Variants in CELA2B observed in about 807,000 individuals in gnomAD.
The protein encoded by CELA2B is chymotrypsin-like elastase family member 2B.
In CELA2B, 27 loss-of-function variants were observed where a neutral mutation model predicts 36.5. The ratio of observed to expected loss-of-function variants is 0.74; its 90% CI spans 0.55 to 1.02. CELA2B has a LOEUF of 1.02. CELA2B is among the 50% of genes least tolerant of loss of function. The pLI is 0.00. For synonymous variants in CELA2B, 143 were observed against 148.5 expected, an observed-to-expected ratio of 0.96 and a Z score of 0.27; for missense variants, 340 against 347.8, an observed-to-expected ratio of 0.98 and a Z score of 0.18.
chr1:15,483,507 CT>C, intron 5 of CELA2B, 107 bp downstream of exon 5: 1 of 1,550,704 alleles, frequency 6.4e-7, no homozygotes, highest in Non-Finnish European at 8.8e-7. Context: ...ATGTGGCTGC[CT>C]TGGAGAGACA....
rs1387231809 is a variant in CELA2B at position 15,483,117 on chromosome 1, A to T, written c.357-147A>T. 7 of 1,287,498 alleles carry T rather than the reference A, an allele frequency of 5.4e-6. No individual in the cohort carries two copies. In the East Asian group the frequency reaches 1.5e-4, roughly 27 times the overall value. The allele number at this position is 1,287,498 out of a possible 1,614,324, so 79.8% of individuals were successfully genotyped here. The stretch of plus-strand genomic sequence containing the variant: ...CCACCGTGACTGGCCGACCCTCTAC[A>T]TTTTCAAACATGCCCTGTGGGCCCT... On this transcript the variant is annotated intron_variant, in intron 4 of 7. Transcript: ENST00000375910.
intron 1 of CELA2B, 79 bp from the exon 2 acceptor site, chr1:15,476,378 G>A (rs1339582205): frequency 2.0e-6 from 3 of 1,476,540 alleles, no homozygotes; most frequent in Non-Finnish European, 2.8e-6. Flanking sequence ...TTCTATTTGG[G>A]GGTTCAGAAT....
rs751583802 is a variant in CELA2B, at chr1:15,476,469, G to C, written c.53G>C (p.Gly18Ala). The change falls in exon 2 of 8, where the codon GGG becomes GCG. Residue 18 changes from glycine (G) to alanine (A), a missense_variant. Coordinates refer to ENST00000375910, the MANE Select transcript of CELA2B (RefSeq NM_015849.3). ...TCTCTTTTCACAGCCCTCAGTTGTG[G>C]GGTCTCCACTTACGCGCCTGATATG... is the stretch of plus-strand genomic sequence containing the variant. The part of the protein sequence containing the change: ...STLVAGALSC[G>A]VSTYAPDMSR... 14 of 1,614,104 alleles carry C rather than the reference G, an allele frequency of 8.7e-6. No individual in the cohort carries two copies. In the East Asian group the frequency reaches 3.1e-4, roughly 36 times the overall value.
chr1:15,487,186 T>C, intron 6 of CELA2B, 99 bp from the exon 7 acceptor site: 1 of 1,155,716 alleles, frequency 8.7e-7, no homozygotes, highest in Non-Finnish European at 1.3e-6. Context: ...CAGAGGACAG[T>C]GACCTGCAGC....
At chr1:15,490,263 C>T (rs61781040) in intron 7 of CELA2B, among the ~76,000 whole-genome samples, 14,090 of 139,174 alleles carry the variant, frequency 0.1, 708 homozygotes, top group East Asian at 0.26. Flanking sequence ...TATCTATATA[C>T]ACACACACAC....
At chr1:15,484,067 G>A (rs1235225661) in intron 5 of CELA2B, among the ~76,000 whole-genome samples, 1 of 152,196 alleles carries the variant, frequency 6.6e-6, no homozygotes, top group Non-Finnish European at 1.5e-5. Flanking sequence ...TGGAAAGAAA[G>A]TTACAGAGAT....
chr1:15,480,856 A>G (rs1201167345), intron 2 of CELA2B, among the ~76,000 whole-genome samples: 2 of 151,824 alleles, frequency 1.3e-5, no homozygotes, highest in Admixed American at 6.6e-5. Flanking sequence ...TTGGCCTCCC[A>G]AAGTGTTCTG....
intron 3 of CELA2B, among the ~76,000 whole-genome samples, 165 bp downstream of exon 3, chr1:15,481,360 C>T (rs574365343): frequency 1.4e-4 from 21 of 152,302 alleles, no homozygotes; most frequent in African/African-American, 5.1e-4. Context: ...TGTGTTGGCC[C>T]ACCCATGGGT....
At chr1:15,491,230 A>T (rs1708888086) in intron 7 of CELA2B, 65 bp from the exon 8 acceptor site, 2 of 1,607,880 alleles carry the variant, frequency 1.2e-6, no homozygotes, top group Non-Finnish European at 1.7e-6. Context: ...CAGAGACAGG[A>T]AACTGCCACG....
chr1:15,485,890 G>A lies in CELA2B; in HGVS notation c.494-11G>A. The A allele has an allele frequency of 1.2e-6, 2 of 1,614,094 alleles. No homozygotes were observed. Among genetic ancestry groups the A allele is most frequent in the African/African-American group, 1.3e-5 (1 of 75,038 alleles). On this transcript the variant is annotated splice_polypyrimidine_tract_variant and intron_variant, in intron 5 of 7. Coordinates refer to ENST00000375910, the MANE Select transcript of CELA2B (RefSeq NM_015849.3). ...CTGCGTCCCTAATGGCTTCTCTCTGGTCTCATTCAGCCAACGGGGCTCTCC... is the reference window on the plus strand; with the variant it reads ...CTGCGTCCCTAATGGCTTCTCTCTGATCTCATTCAGCCAACGGGGCTCTCC...
intron 4 of CELA2B, among the ~76,000 whole-genome samples, 157 bp from the exon 5 acceptor site, chr1:15,483,107 G>A (rs558009986): frequency 3.3e-5 from 5 of 152,184 alleles, no homozygotes; most frequent in East Asian, 1.9e-4. Flanking sequence ...GTGACTGGCC[G>A]ACCCTCTACA....
At chr1:15,484,079 A>T (rs1433053022) in intron 5 of CELA2B, among the ~76,000 whole-genome samples, 1 of 152,202 alleles carries the variant, frequency 6.6e-6, no homozygotes, top group Non-Finnish European at 1.5e-5. Flanking sequence ...TACAGAGATC[A>T]TGTGACATCT....
chr1:15,484,876 A>G (rs1467376119), intron 5 of CELA2B, among the ~76,000 whole-genome samples: 1 of 152,148 alleles, frequency 6.6e-6, no homozygotes, highest in Non-Finnish European at 1.5e-5. Context: ...CTTATTAATT[A>G]GAATGGTCTT....
intron 2 of CELA2B, among the ~76,000 whole-genome samples, chr1:15,479,968 A>G (rs1708720230): frequency 6.6e-6 from 1 of 152,176 alleles, no homozygotes; most frequent in African/African-American, 2.4e-5. Flanking sequence ...CTAGCAGGTC[A>G]TCAGACAGTT....
Position 15,484,720 on chromosome 1 carries a change from C to T in CELA2B, c.494-1181C>T, listed in dbSNP as rs1449995198. The stretch of plus-strand genomic sequence containing the variant: ...AAATGCTTGGCTTTTCGGCCCAGCT[C>T]TGTCGGTCACGGTGAAACCTTGGGC... On this transcript the variant is annotated intron_variant, in intron 5 of 7. Coordinates refer to ENST00000375910, the MANE Select transcript of CELA2B (RefSeq NM_015849.3). 5.8e-4 allele frequency among the ~76,000 whole-genome samples: 89 copies of T among 152,150 alleles called. 1 individual carries two copies. The highest frequency in any genetic ancestry group is 1.5e-4 in the Non-Finnish European group (10 of 68,036).
At chr1:15,486,593 G>A (rs552439621) in intron 6 of CELA2B, among the ~76,000 whole-genome samples, 10 of 152,314 alleles carry the variant, frequency 6.6e-5, no homozygotes, top group South Asian at 2.1e-4. Context: ...AAGGTCTCTC[G>A]TGACTGTCCT....
At chr1:15,476,302 G>C in intron 1 of CELA2B, 137 bp downstream of exon 1, 1 of 1,430,752 alleles carries the variant, frequency 7.0e-7, no homozygotes, top group Non-Finnish European at 9.6e-7. Flanking sequence ...CCGAAATGGA[G>C]TTTCAAAGAA....
chr1:15,480,674 C>A (rs943759305), intron 2 of CELA2B, among the ~76,000 whole-genome samples: 2 of 152,164 alleles, frequency 1.3e-5, no homozygotes, highest in Admixed American at 1.3e-4. Context: ...GGGGTAACCA[C>A]CCTCATGATT....
chr1:15,478,810 A>G lies in CELA2B; in HGVS notation c.129+2265A>G, dbSNP rs531319252. 3.9e-5 allele frequency among the ~76,000 whole-genome samples: 6 copies of G among 152,182 alleles called. No homozygotes were observed. The South Asian group carries it at 1.2e-3, about 32-fold the overall frequency. On this transcript the variant is annotated intron_variant, in intron 2 of 7. Coordinates refer to ENST00000375910, the MANE Select transcript of CELA2B (RefSeq NM_015849.3). Reference sequence around the variant, plus strand: ...TCAAACTCCTGACCTCAGGTGATCCACCTGCCTCGGCCTTCCAAAGTGCTG... The same window carrying G: ...TCAAACTCCTGACCTCAGGTGATCCGCCTGCCTCGGCCTTCCAAAGTGCTG...
Sources: allele counts gnomAD v4.1 joint callset (sites outside exome capture counted in the v4.1 genomes callset), GRCh38; gene constraint gnomAD v4.1.1; transcripts MANE v1.5; gene names NCBI Gene and HGNC (gene_info 2026-07-23, HGNC 2026-07-21).